RNF180: variants seen among roughly 807,000 people sequenced by gnomAD.
RNF180 encodes ring finger protein 180.
RNF180 carries 38 observed loss-of-function variants against 59.2 expected under a neutral mutation model. That is an observed-to-expected ratio of 0.64 (90% CI 0.50 to 0.84). The LOEUF (loss-of-function observed/expected upper bound fraction) is 0.84, where lower values mean the gene tolerates loss of function less well. Among genes scored for constraint, RNF180 ranks in the 40% least tolerant of loss-of-function variants. RNF180 has a pLI of 0.00. For synonymous variants in RNF180, 262 were observed against 240.3 expected, an observed-to-expected ratio of 1.09 and a Z score of -0.84; for missense variants, 705 against 700.9, an observed-to-expected ratio of 1.01 and a Z score of -0.07.
At chr5:64,268,937 A>G (rs542514930) in intron 5 of RNF180, among the ~76,000 whole-genome samples, 1 of 152,200 alleles carries the variant, frequency 6.6e-6, no homozygotes, top group Admixed American at 6.5e-5. Context: ...ATTCTCTATC[A>G]GGAAACCCCC....
At chr5:64,327,671 A>G (rs1427202863) in intron 6 of RNF180, among the ~76,000 whole-genome samples, 1 of 152,154 alleles carries the variant, frequency 6.6e-6, no homozygotes, top group East Asian at 1.9e-4. Flanking sequence ...AAATTTTGTT[A>G]TACTTCTTTT....
chr5:64,180,409 A>C (rs1750507716), intron 1 of RNF180, among the ~76,000 whole-genome samples: 1 of 152,174 alleles, frequency 6.6e-6, no homozygotes, highest in South Asian at 2.1e-4. Flanking sequence ...ATTTGTGTAA[A>C]ATTATGAATT....
chr5:64,302,322 A>T (rs1743201942), intron 5 of RNF180, among the ~76,000 whole-genome samples: 1 of 151,642 alleles, frequency 6.6e-6, no homozygotes, highest in East Asian at 1.9e-4. Context: ...TGTGGTAGGG[A>T]TATTTATTTA....
intron 5 of RNF180, among the ~76,000 whole-genome samples, chr5:64,291,924 A>G (rs967748826): frequency 2.6e-5 from 4 of 151,118 alleles, no homozygotes; most frequent in African/African-American, 9.7e-5. Context: ...CCTTCGCTTG[A>G]TCTCTTCTGC....
At chr5:64,225,782 A>G (rs527516299) in intron 5 of RNF180, among the ~76,000 whole-genome samples, 48 of 111,928 alleles carry the variant, frequency 4.3e-4, no homozygotes, top group African/African-American at 1.6e-3. Context: ...ACCTCTGCCC[A>G]GCCTCCCTTT....
At chr5:64,366,194 T>C (rs918722127) in intron 7 of RNF180, among the ~76,000 whole-genome samples, 2 of 151,594 alleles carry the variant, frequency 1.3e-5, no homozygotes, top group African/African-American at 4.8e-5. Flanking sequence ...TTTGTTTGTC[T>C]GAAAAGGATA....
At chr5:64,367,245 G>T (rs945962533) in intron 7 of RNF180, among the ~76,000 whole-genome samples, 1 of 151,418 alleles carries the variant, frequency 6.6e-6, no homozygotes, top group South Asian at 2.1e-4. Context: ...GCAAAAGAAT[G>T]ATATCATGAA....
intron 5 of RNF180, among the ~76,000 whole-genome samples, chr5:64,251,863 C>T (rs1353530235): frequency 1.3e-5 from 2 of 151,954 alleles, no homozygotes; most frequent in East Asian, 1.9e-4. Flanking sequence ...AAAAAAATAC[C>T]TAGAAATAAG....
chr5:64,317,450 T>A (rs1185166249), intron 5 of RNF180, among the ~76,000 whole-genome samples: 1 of 151,828 alleles, frequency 6.6e-6, no homozygotes, highest in East Asian at 1.9e-4. Context: ...TGTCACAGGG[T>A]TGCTACAAAC....
chr5:64,258,008 A>T (rs1235832527), intron 5 of RNF180, among the ~76,000 whole-genome samples: 1 of 152,232 alleles, frequency 6.6e-6, no homozygotes, highest in African/African-American at 2.4e-5. Context: ...CAGTGCCATA[A>T]AAGAAGGAAT....
chr5:64,209,104 ATGTGG>A (rs1580004625), intron 2 of RNF180, among the ~76,000 whole-genome samples: 3 of 152,178 alleles, frequency 2.0e-5, no homozygotes, highest in East Asian at 1.9e-4. Context: ...ATAAGAGGCA[ATGTGG>A]AAGCTTGGGA....
chr5:64,353,267 T>A (rs1331772606), intron 7 of RNF180, among the ~76,000 whole-genome samples: 1 of 151,790 alleles, frequency 6.6e-6, no homozygotes, highest in Non-Finnish European at 1.5e-5. Context: ...TTCATTCATG[T>A]GGAAAAAATC....
chr5:64,257,575 CT>C (rs1199214237), intron 5 of RNF180, among the ~76,000 whole-genome samples: 1 of 152,116 alleles, frequency 6.6e-6, no homozygotes, highest in Non-Finnish European at 1.5e-5. Context: ...GGTGGATAAG[CT>C]TTTTGATGTG....
intron 5 of RNF180, among the ~76,000 whole-genome samples, chr5:64,321,234 G>A (rs1360687739): frequency 6.6e-6 from 1 of 152,216 alleles, no homozygotes; most frequent in East Asian, 1.9e-4. Context: ...AAATCAAATT[G>A]TCGCTGTTGC....
At chr5:64,307,766 G>A (rs553203463) in intron 5 of RNF180, among the ~76,000 whole-genome samples, 3 of 151,858 alleles carry the variant, frequency 2.0e-5, no homozygotes, top group South Asian at 2.1e-4. Context: ...TTCACGTAAT[G>A]TATTGAATAC....
intron 5 of RNF180, among the ~76,000 whole-genome samples, chr5:64,298,468 G>A (rs562007279): frequency 1.3e-5 from 2 of 151,980 alleles, no homozygotes; most frequent in Admixed American, 6.6e-5. Context: ...AGCCATAAAA[G>A]GATATTTTCT....
At chr5:64,312,419 G>A (rs574084107) in intron 5 of RNF180, among the ~76,000 whole-genome samples, 4 of 152,160 alleles carry the variant, frequency 2.6e-5, no homozygotes, top group African/African-American at 4.8e-5. Flanking sequence ...CTGGTACGTA[G>A]TACACATTCA....
intron 5 of RNF180, among the ~76,000 whole-genome samples, chr5:64,318,744 A>G (rs1001936434): frequency 1.3e-5 from 2 of 152,212 alleles, no homozygotes; most frequent in Admixed American, 1.3e-4. Context: ...ACACAGCAAT[A>G]TACCATCAGT....
At chr5:64,321,411 C>A (rs1385694349) in intron 5 of RNF180, among the ~76,000 whole-genome samples, 1 of 152,128 alleles carries the variant, frequency 6.6e-6, no homozygotes, top group Non-Finnish European at 1.5e-5. Flanking sequence ...AATGAACCCC[C>A]ATTCACAGTT....
Sources: gnomAD v4.1 joint callset for allele counts (sites outside exome capture counted in the v4.1 genomes callset) on GRCh38, gnomAD v4.1.1 for gene constraint, MANE v1.5 for transcripts, NCBI Gene and HGNC (gene_info 2026-07-23, HGNC 2026-07-21) for gene names.